GRIP1: variants seen among roughly 807,000 people sequenced by gnomAD.
GRIP1 encodes the protein glutamate receptor-interacting protein 1.
In GRIP1, 45 loss-of-function variants were observed where a neutral mutation model predicts 129.9. That is an observed-to-expected ratio of 0.35 (90% CI 0.27 to 0.44). The LOEUF (loss-of-function observed/expected upper bound fraction) is 0.44, where lower values mean the gene tolerates loss of function less well. GRIP1 is among the 20% of genes least tolerant of loss of function. The pLI, the probability that GRIP1 is intolerant of heterozygous loss-of-function variation, is 1.00. For synonymous variants in GRIP1, 530 were observed against 520.8 expected (o/e 1.02, Z -0.24); for missense variants, 1,196 against 1,396.8 (o/e 0.86, Z 2.29).
chr12:66,519,062 A>G (rs2060926949), intron 5 of GRIP1, among the ~76,000 whole-genome samples: 1 of 152,198 alleles, frequency 6.6e-6, no homozygotes, highest in Admixed American at 6.5e-5. Context: ...TTGCTCCCTT[A>G]ATGTTTGCCT....
intron 2 of GRIP1, among the ~76,000 whole-genome samples, chr12:66,571,468 T>C (rs1565872846): frequency 1.3e-5 from 2 of 152,230 alleles, no homozygotes; most frequent in Non-Finnish European, 2.9e-5. Flanking sequence ...TGAAAATGTA[T>C]TACTACTGCC....
chr12:67,003,293 T>TA (rs2042578837), intron 1 of GRIP1, among the ~76,000 whole-genome samples: 1 of 152,248 alleles, frequency 6.6e-6, no homozygotes, highest in African/African-American at 2.4e-5. Flanking sequence ...TTGTTGTACT[T>TA]AGACTATTAT....
intron 13 of GRIP1, among the ~76,000 whole-genome samples, chr12:66,442,708 A>AT (rs1332485909): frequency 1.7e-4 from 26 of 149,790 alleles, no homozygotes; most frequent in African/African-American, 6.3e-4. Context: ...ATTTAAAAAA[A>AT]ATTTTTTTTT....
intron 7 of GRIP1, among the ~76,000 whole-genome samples, chr12:66,503,733 C>G (rs1398573636): frequency 2.0e-5 from 3 of 152,066 alleles, no homozygotes. Flanking sequence ...AAGAAACAAT[C>G]AGAGTGTGGT....
At chr12:66,629,708 C>T (rs1173153054) in intron 1 of GRIP1, among the ~76,000 whole-genome samples, 1 of 152,216 alleles carries the variant, frequency 6.6e-6, no homozygotes, top group Non-Finnish European at 1.5e-5. Flanking sequence ...ACTGGACCTA[C>T]TTTCATCCAG....
At chr12:66,979,252 A>AAAAAAAAAAAAACAAC (rs772753895) in intron 1 of GRIP1, among the ~76,000 whole-genome samples, 2 of 110,240 alleles carry the variant, frequency 1.8e-5, no homozygotes, top group African/African-American at 3.3e-5. Context: ...AAAAAAAAAA[A>AAAAAAAAAAAAACAAC]AACAAGCCCG....
chr12:66,526,279 T>C (rs1370218376), intron 5 of GRIP1, among the ~76,000 whole-genome samples: 2 of 152,042 alleles, frequency 1.3e-5, no homozygotes, highest in Middle Eastern at 3.4e-3. Flanking sequence ...CTTCAAACTA[T>C]ACTACAAGGC....
intron 1 of GRIP1, among the ~76,000 whole-genome samples, chr12:66,662,510 T>C (rs1373055672): frequency 6.6e-6 from 1 of 152,180 alleles, no homozygotes; most frequent in Non-Finnish European, 1.5e-5. Context: ...TTGTGCCTAT[T>C]ATAAAACTTC....
At chr12:66,815,859 TCTC>T (rs2039207936) in intron 1 of GRIP1, among the ~76,000 whole-genome samples, 2 of 148,546 alleles carry the variant, frequency 1.3e-5, no homozygotes, top group African/African-American at 5.0e-5. Context: ...TTTCTTTCTC[TCTC>T]TCTCTCTCTC....
At chr12:66,639,961 G>A (rs2031776119) in intron 1 of GRIP1, among the ~76,000 whole-genome samples, 1 of 152,094 alleles carries the variant, frequency 6.6e-6, no homozygotes, top group Non-Finnish European at 1.5e-5. Flanking sequence ...ACAACCCCTT[G>A]AACATATGCT....
intron 1 of GRIP1, among the ~76,000 whole-genome samples, chr12:66,864,559 T>TA (rs5798839): frequency 0.8 from 118,614 of 148,806 alleles, 47,509 homozygotes; most frequent in Non-Finnish European, 0.86. Flanking sequence ...CTATTAAAAA[T>TA]AAAAAAAAAA....
At position 66,394,258 on chromosome 12, in the gene GRIP1, C is replaced by T. The variant is rs201932670; in HGVS notation, c.2079G>A (p.Pro693=). 115 of 1,613,972 alleles carry T rather than the reference C, an allele frequency of 7.1e-5. No homozygotes were observed. The highest frequency in any genetic ancestry group is 4.9e-4 in the East Asian group (22 of 44,870). ...LGITISGTEE[P]FDPIIISSLT... is the part of the protein sequence containing the mutation. The stretch of plus-strand genomic sequence containing the variant: ...GGCTTGAAATGATTATAGGATCAAA[C>T]GGCTCTTCAGTTCCTGAAATTGTGA... The change falls in exon 17 of 25, where the codon CCG becomes CCA. Residue 693 remains proline, a synonymous_variant. Coordinates refer to ENST00000359742, the MANE Select transcript of GRIP1 (RefSeq NM_001366722.1).
intron 1 of GRIP1, among the ~76,000 whole-genome samples, chr12:66,855,473 G>A (rs1264939826): frequency 2.6e-5 from 4 of 151,866 alleles, no homozygotes; most frequent in Middle Eastern, 3.2e-3. Flanking sequence ...TCTCAGACTT[G>A]GGGCCCTTGC....
chr12:67,029,906 T>G (rs1477652072), intron 1 of GRIP1, among the ~76,000 whole-genome samples: 1 of 151,710 alleles, frequency 6.6e-6, no homozygotes, highest in Non-Finnish European at 1.5e-5. Context: ...AAAAATAATA[T>G]TAAAAAAAAT....
chr12:66,407,726 A>G (rs958818204), intron 15 of GRIP1, among the ~76,000 whole-genome samples: 4 of 152,332 alleles, frequency 2.6e-5, no homozygotes, highest in Admixed American at 6.5e-5. Context: ...GCTGCACGCT[A>G]AAGTGTTCTT....
chr12:66,999,694 C>T (rs563702814), intron 1 of GRIP1, among the ~76,000 whole-genome samples: 1 of 152,134 alleles, frequency 6.6e-6, no homozygotes, highest in Non-Finnish European at 1.5e-5. Context: ...CATATGAAAG[C>T]ACAAGGAGAA....
intron 7 of GRIP1, among the ~76,000 whole-genome samples, chr12:66,477,600 G>A (rs1395663651): frequency 6.6e-6 from 1 of 152,132 alleles, no homozygotes; most frequent in Non-Finnish European, 1.5e-5. Context: ...AACAAAGCTG[G>A]AGGCATCACG....
intron 14 of GRIP1, among the ~76,000 whole-genome samples, chr12:66,423,752 G>A (rs1474229592): frequency 6.6e-6 from 1 of 152,166 alleles, no homozygotes; most frequent in Non-Finnish European, 1.5e-5. Context: ...GTGATTCCAA[G>A]TGGGAAATCC....
chr12:67,068,850 C>A, intron 1 of GRIP1, among the ~76,000 whole-genome samples: 1 of 12,762 alleles, frequency 7.8e-5, no homozygotes, highest in African/African-American at 2.7e-4. Flanking sequence ...GCCCTCTCAT[C>A]CCGCCCCCCC....
Sources: gnomAD v4.1 joint callset for allele counts (sites outside exome capture counted in the v4.1 genomes callset) on GRCh38, gnomAD v4.1.1 for gene constraint, MANE v1.5 for transcripts, NCBI Gene and HGNC (gene_info 2026-07-23, HGNC 2026-07-21) for gene names.